CXCL13: variants seen among roughly 807,000 people sequenced by gnomAD.
CXCL13 encodes the protein C-X-C motif chemokine ligand 13.
A neutral mutation model predicts 12.2 loss-of-function variants in CXCL13; 7 were observed. The observed-to-expected ratio is 0.57, with a 90% CI of 0.33 to 1.07. The LOEUF is 1.07. Ranked by LOEUF, CXCL13 falls within the 50% of genes least tolerant of loss-of-function variation. The pLI, the probability that CXCL13 is intolerant of heterozygous loss-of-function variation, is 0.04. For synonymous variants in CXCL13, 47 were observed against 42.4 expected (o/e 1.11, Z -0.42); for missense variants, 113 against 127.4 (o/e 0.89, Z 0.55).
chr4:77,542,115 T>C (rs538570343), intron 1 of CXCL13, among the ~76,000 whole-genome samples: 1 of 151,984 alleles, frequency 6.6e-6, no homozygotes, highest in Non-Finnish European at 1.5e-5. Context: ...TTTGAAGGAG[T>C]CTTTAGGATT....
chr4:77,542,974 C>G (rs1725243800), intron 1 of CXCL13, among the ~76,000 whole-genome samples: 2 of 151,928 alleles, frequency 1.3e-5, no homozygotes, highest in African/African-American at 4.8e-5. Flanking sequence ...AGAATTTGGC[C>G]ATGGACCCAT....
chr4:77,573,231 TTAAAA>T (rs1240410125), intron 1 of CXCL13, among the ~76,000 whole-genome samples: 5 of 151,842 alleles, frequency 3.3e-5, no homozygotes, highest in African/African-American at 9.7e-5. Flanking sequence ...ACCTCTGAAC[TTAAAA>T]TAAAAGTTAA....
intron 1 of CXCL13, among the ~76,000 whole-genome samples, chr4:77,536,927 C>A (rs918890825): frequency 1.3e-5 from 2 of 152,028 alleles, no homozygotes; most frequent in Non-Finnish European, 1.5e-5. Context: ...TCTCATGAAC[C>A]AGTGAGACAT....
At chr4:77,516,136 A>G (rs1221734400) in intron 1 of CXCL13, among the ~76,000 whole-genome samples, 1 of 152,142 alleles carries the variant, frequency 6.6e-6, no homozygotes, top group Non-Finnish European at 1.5e-5. Context: ...ATCGAACCAG[A>G]CTTGCATCCC....
At chr4:77,527,292 T>C (rs1460499362) in intron 1 of CXCL13, among the ~76,000 whole-genome samples, 2 of 152,138 alleles carry the variant, frequency 1.3e-5, no homozygotes, top group Non-Finnish European at 2.9e-5. Context: ...ACATTACTGA[T>C]GGGGATGTAA....
chr4:77,527,967 C>T (rs1157151982), intron 1 of CXCL13, among the ~76,000 whole-genome samples: 1 of 151,924 alleles, frequency 6.6e-6, no homozygotes, highest in African/African-American at 2.4e-5. Context: ...GTGTGATGTT[C>T]CCCTTCCTGT....
chr4:77,568,399 C>T (rs1018165482), intron 1 of CXCL13, among the ~76,000 whole-genome samples: 2 of 152,222 alleles, frequency 1.3e-5, no homozygotes, highest in African/African-American at 4.8e-5. Flanking sequence ...GTCACCTCTT[C>T]TCTCCAACCG....
At chr4:77,572,547 A>C (rs1726111014) in intron 1 of CXCL13, among the ~76,000 whole-genome samples, 1 of 151,932 alleles carries the variant, frequency 6.6e-6, no homozygotes, top group Non-Finnish European at 1.5e-5. Flanking sequence ...ATAGCATCTC[A>C]CACCAGTCAG....
intron 1 of CXCL13, among the ~76,000 whole-genome samples, chr4:77,522,072 A>C (rs1173518926): frequency 6.6e-6 from 1 of 152,068 alleles, no homozygotes; most frequent in Non-Finnish European, 1.5e-5. Context: ...GTGGTCTGAG[A>C]GATGGTTTGT....
upstream of CXCL13, among the ~76,000 whole-genome samples, chr4:77,603,471 G>A (rs1226205104): frequency 2.6e-5 from 4 of 152,182 alleles, no homozygotes; most frequent in African/African-American, 4.8e-5. Flanking sequence ...AAGTGTATGC[G>A]TGTCTGTGGC....
chr4:77,547,248 G>T (rs1725388701), intron 1 of CXCL13, among the ~76,000 whole-genome samples: 1 of 152,194 alleles, frequency 6.6e-6, no homozygotes, highest in Non-Finnish European at 1.5e-5. Flanking sequence ...TGTTAGGTCT[G>T]CTTGGTGCAG....
chr4:77,519,707 T>C (rs1012615065), intron 1 of CXCL13, among the ~76,000 whole-genome samples: 1 of 152,220 alleles, frequency 6.6e-6, no homozygotes, highest in East Asian at 1.9e-4. Flanking sequence ...GTGCAGAAGA[T>C]CTTTAGTTTA....
At chr4:77,596,373 G>A (rs1378900823) in intron 1 of CXCL13, among the ~76,000 whole-genome samples, 1 of 152,344 alleles carries the variant, frequency 6.6e-6, no homozygotes, top group Non-Finnish European at 1.5e-5. Flanking sequence ...CTGTTGGTGG[G>A]AGTGTAAATT....
intron 1 of CXCL13, among the ~76,000 whole-genome samples, chr4:77,568,820 G>T (rs576093404): frequency 1.3e-5 from 2 of 152,172 alleles, no homozygotes; most frequent in East Asian, 3.9e-4. Context: ...CCACCCTAGG[G>T]GAATCTTAGT....
intron 1 of CXCL13, among the ~76,000 whole-genome samples, chr4:77,530,943 T>C (rs973243195): frequency 4.2e-4 from 64 of 152,068 alleles, no homozygotes; most frequent in African/African-American, 1.4e-3. Flanking sequence ...CACACTGCTT[T>C]GAATGTGTCC....
At chr4:77,575,575 C>G (rs1212275826) in intron 1 of CXCL13, among the ~76,000 whole-genome samples, 1 of 151,794 alleles carries the variant, frequency 6.6e-6, no homozygotes, top group Non-Finnish European at 1.5e-5. Context: ...TGATATTTTG[C>G]TGAGAATGAT....
chr4:77,538,711 A>G (rs1012250180), intron 1 of CXCL13, among the ~76,000 whole-genome samples: 1 of 152,140 alleles, frequency 6.6e-6, no homozygotes, highest in African/African-American at 2.4e-5. Context: ...CCCATCTCAT[A>G]TCTGAGCTCA....
At chr4:77,578,801 T>C (rs1439934847) in intron 1 of CXCL13, among the ~76,000 whole-genome samples, 2 of 152,210 alleles carry the variant, frequency 1.3e-5, no homozygotes, top group Non-Finnish European at 2.9e-5. Context: ...TGCAACAGCA[T>C]TCTTATTCTC....
chr4:77,513,932 T>A (rs548277909), intron 1 of CXCL13, among the ~76,000 whole-genome samples: 70 of 152,168 alleles, frequency 4.6e-4, no homozygotes, highest in African/African-American at 1.6e-3. Context: ...ATTAGGTATA[T>A]CTCCCAGTGC....
Sources: gnomAD v4.1 joint callset for allele counts (sites outside exome capture counted in the v4.1 genomes callset) on GRCh38, gnomAD v4.1.1 for gene constraint, MANE v1.5 for transcripts, NCBI Gene and HGNC (gene_info 2026-07-23, HGNC 2026-07-21) for gene names.